Variants in RNGTT observed in about 807,000 individuals in gnomAD.
RNGTT encodes the protein RNA guanylyltransferase and 5'-phosphatase.
RNGTT carries 33 observed loss-of-function variants against 79.3 expected under a neutral mutation model. The ratio of observed to expected loss-of-function variants is 0.42; its 90% CI spans 0.32 to 0.56. The LOEUF is 0.56. Ranked by LOEUF, RNGTT falls within the 20% of genes least tolerant of loss-of-function variation. The pLI, the probability that RNGTT is intolerant of heterozygous loss-of-function variation, is 0.17. For missense variants in RNGTT, 497 were observed against 739.1 expected, an observed-to-expected ratio of 0.67 and a Z score of 3.80; for synonymous variants, 222 against 235.9, an observed-to-expected ratio of 0.94 and a Z score of 0.54.
intron 12 of RNGTT, among the ~76,000 whole-genome samples, 165 bp downstream of exon 12, chr6:88,801,399 T>C (rs1779778486): frequency 6.6e-6 from 1 of 152,166 alleles, no homozygotes; most frequent in African/African-American, 2.4e-5. Context: ...ATAAAATCTT[T>C]CATAATGAGC....
At chr6:88,833,113 A>G (rs1252656861) in intron 11 of RNGTT, among the ~76,000 whole-genome samples, 2 of 152,202 alleles carry the variant, frequency 1.3e-5, no homozygotes, top group East Asian at 3.9e-4. Context: ...CTACTAAAAG[A>G]CACATGCACA....
At chr6:88,625,759 A>C (rs1181911128) in intron 14 of RNGTT, among the ~76,000 whole-genome samples, 1 of 145,532 alleles carries the variant, frequency 6.9e-6, no homozygotes, top group African/African-American at 2.6e-5. Flanking sequence ...AAAATAATAC[A>C]AAAAAAACAA....
intron 12 of RNGTT, among the ~76,000 whole-genome samples, chr6:88,791,131 C>T (rs957999332): frequency 1.4e-5 from 2 of 140,788 alleles, no homozygotes; most frequent in Admixed American, 1.5e-4. Context: ...TAAATGCAAT[C>T]ACAAGTACCT....
Position 88,615,087 on chromosome 6 carries a change from C to T in RNGTT, c.1507-692G>A, listed in dbSNP as rs145058158. 9.2e-5 allele frequency among the ~76,000 whole-genome samples: 14 copies of T among 152,252 alleles called. No homozygotes were observed. The East Asian group carries it at 2.3e-3, about 25-fold the overall frequency. ...AGCTAACAAGTATCCATGGTAACTA[C>T]GAACCTTTTAAAAGATATTTCACTG... On this transcript the variant is annotated intron_variant, in intron 14 of 15. Transcript: ENST00000369485.
chr6:88,915,502 G>A (rs761229266), intron 4 of RNGTT, among the ~76,000 whole-genome samples: 6 of 152,172 alleles, frequency 3.9e-5, no homozygotes, highest in Admixed American at 6.5e-5. Flanking sequence ...TATCCCAAGA[G>A]AATTAACGCA....
intron 8 of RNGTT, among the ~76,000 whole-genome samples, chr6:88,881,523 C>G (rs1439720943): frequency 1.3e-5 from 2 of 152,134 alleles, no homozygotes; most frequent in East Asian, 1.9e-4. Context: ...GTCCCACTAT[C>G]TGATAGGAAA....
intron 2 of RNGTT, among the ~76,000 whole-genome samples, chr6:88,932,647 T>C (rs1158768626): frequency 1.3e-5 from 2 of 152,156 alleles, no homozygotes; most frequent in African/African-American, 4.8e-5. Flanking sequence ...GAACCTACGT[T>C]GAAATATTGG....
intron 4 of RNGTT, among the ~76,000 whole-genome samples, chr6:88,908,240 C>A (rs1027464289): frequency 2.6e-5 from 4 of 152,046 alleles, no homozygotes; most frequent in Non-Finnish European, 5.9e-5. Context: ...AAGAAAAATA[C>A]TGATAAATTA....
At chr6:88,682,884 T>C (rs1365263683) in intron 13 of RNGTT, among the ~76,000 whole-genome samples, 3 of 152,204 alleles carry the variant, frequency 2.0e-5, no homozygotes, top group African/African-American at 7.2e-5. Context: ...TACTTATAAA[T>C]AACCCATAGA....
chr6:88,890,435 A>G, intron 8 of RNGTT, 60 bp downstream of exon 8: 1 of 1,053,188 alleles, frequency 9.5e-7, no homozygotes, highest in Non-Finnish European at 1.4e-6. Flanking sequence ...TTCTAACAAT[A>G]AAACAATATT....
chr6:88,921,418 C>T (rs1370642892), intron 4 of RNGTT, among the ~76,000 whole-genome samples: 2 of 152,038 alleles, frequency 1.3e-5, no homozygotes, highest in East Asian at 1.9e-4. Flanking sequence ...ATTGGTGAGG[C>T]TGTGGGCTAA....
intron 6 of RNGTT, among the ~76,000 whole-genome samples, chr6:88,898,660 T>G (rs917457646): frequency 1.8e-4 from 27 of 147,640 alleles, no homozygotes; most frequent in Non-Finnish European, 3.0e-5. Context: ...GTATATATAC[T>G]GTGTGTGTGT....
chr6:88,610,305 CT>C lies in RNGTT; in HGVS notation c.*2413del. On this transcript the variant is annotated 3_prime_UTR_variant, in exon 16 of 16. Coordinates refer to ENST00000369485, the MANE Select transcript of RNGTT (RefSeq NM_003800.5). The stretch of plus-strand genomic sequence containing the variant: ...ATCAGTAGTTTTATTACAATACGCA[CT>C]GACACACAATTGGAAAAGGAATGTC... 6.6e-6 allele frequency: 1 copy of C among 152,654 alleles called. No homozygotes were observed. The highest frequency in any genetic ancestry group is 1.9e-4 in the East Asian group (1 of 5,194). The allele number at this position is 152,654 out of a possible 1,614,324, so 9.5% of individuals were successfully genotyped here.
chr6:88,713,878 T>C (rs1321969563), intron 13 of RNGTT, among the ~76,000 whole-genome samples: 7 of 152,216 alleles, frequency 4.6e-5, no homozygotes, highest in Admixed American at 4.6e-4. Flanking sequence ...AAAATTCTAA[T>C]TGGATAATCT....
At chr6:88,867,357 C>T (rs1033565809) in intron 8 of RNGTT, among the ~76,000 whole-genome samples, 1 of 152,024 alleles carries the variant, frequency 6.6e-6, no homozygotes, top group African/African-American at 2.4e-5. Flanking sequence ...GTGGCACACA[C>T]CTGTAGTCTC....
Position 88,917,000 on chromosome 6 carries a change from C to T in RNGTT, c.368-10560G>A, listed in dbSNP as rs554156470. Among the ~76,000 whole-genome samples the T allele has an allele frequency of 2.6e-5, 4 of 152,312 alleles. No homozygotes were observed. In the South Asian group the frequency reaches 8.3e-4, roughly 32 times the overall value. On this transcript the variant is annotated intron_variant, in intron 4 of 15. Coordinates refer to ENST00000369485, the MANE Select transcript of RNGTT (RefSeq NM_003800.5). ...TCACCTGTTTCCTGTGGTTTATAAG[C>T]CCTGGCCTTGGGAGTAATGGTGGGG...
chr6:88,754,370 G>T (rs1777938682), intron 13 of RNGTT, among the ~76,000 whole-genome samples: 2 of 152,138 alleles, frequency 1.3e-5, no homozygotes, highest in South Asian at 4.2e-4. Context: ...CCTTCCTATG[G>T]GCTGAACATA....
chr6:88,859,268 T>C (rs1197222411), intron 8 of RNGTT, among the ~76,000 whole-genome samples: 1 of 151,434 alleles, frequency 6.6e-6, no homozygotes, highest in Non-Finnish European at 1.5e-5. Flanking sequence ...GAAACCATAA[T>C]GCAGAATTCA....
intron 13 of RNGTT, among the ~76,000 whole-genome samples, chr6:88,721,493 TTC>T (rs1350912612): frequency 6.6e-6 from 1 of 152,054 alleles, no homozygotes; most frequent in African/African-American, 2.4e-5. Flanking sequence ...TCATCATCCC[TTC>T]TCTGTCCTTT....
Sources: allele counts gnomAD v4.1 joint callset (sites outside exome capture counted in the v4.1 genomes callset), GRCh38; gene constraint gnomAD v4.1.1; transcripts MANE v1.5; gene names NCBI Gene and HGNC (gene_info 2026-07-23, HGNC 2026-07-21).